Variants in RPL36A observed in about 807,000 individuals in gnomAD.
The protein encoded by RPL36A is ribosomal protein L36a, also known as large ribosomal subunit protein eL42.
For missense variants in RPL36A, 20 were observed against 81.0 expected, an observed-to-expected ratio of 0.25 and a Z score of 2.89; for synonymous variants, 25 against 28.5, an observed-to-expected ratio of 0.88 and a Z score of 0.39.
In RPL36A at chrX:101,394,796, T is replaced by A. The variant is rs782292115; in HGVS notation, c.178-539T>A. Among the ~76,000 whole-genome samples the A allele has an allele frequency of 5.6e-3, 411 of 73,068 alleles. 6 individuals are homozygous for A. The highest frequency in any genetic ancestry group is 0.037 in the African/African-American group (390 of 10,587). The allele number at this position is 73,068 out of a possible 115,157, so 63.5% of individuals were successfully genotyped here. On this transcript the variant is annotated intron_variant, in intron 3 of 4. Transcript: ENST00000553110. The stretch of plus-strand genomic sequence containing the variant: ...ATATAATATATATATATATATTTTT[T>A]TTTTTTTTTTGAGATGGAGTCTCTG...
intron 3 of RPL36A, chrX:101,392,962 A>G (rs1012068768): frequency 4.6e-5 from 5 of 108,590 alleles, no homozygotes; most frequent in African/African-American, 1.3e-4. Context: ...TAAAAATACA[A>G]AAATTAGCCG....
chrX:101,395,871 T>G lies in RPL36A; in HGVS notation c.*123T>G, dbSNP rs1928007126. On this transcript the variant is annotated 3_prime_UTR_variant, in exon 5 of 5. Transcript: ENST00000553110. ...AATACAATTCCGCTTGTGGGGAAAT[T>G]TATGCCTCTTACTGGTACTACTTGT... 2 of 635,754 alleles carry G rather than the reference T, an allele frequency of 3.1e-6. No homozygotes were observed. The highest frequency in any genetic ancestry group is 4.4e-5 in the African/African-American group (2 of 44,971). The allele number at this position is 635,754 out of a possible 1,213,427, so 52.4% of individuals were successfully genotyped here. A position where few individuals can be genotyped will look rare whatever the true frequency, so the allele number is the denominator to read the frequency against.
intron 3 of RPL36A, among the ~76,000 whole-genome samples, chrX:101,394,792 T>A (rs184070606): frequency 0.058 from 3,113 of 53,564 alleles, 58 homozygotes; most frequent in African/African-American, 0.18. Flanking sequence ...ATATATATAT[T>A]TTTTTTTTTT....
At chrX:101,392,359 T>A in intron 3 of RPL36A, 3 of 844,820 alleles carry the variant, frequency 3.6e-6, no homozygotes, top group Non-Finnish European at 4.3e-6. Flanking sequence ...ACTCTTAAAG[T>A]AATTAGCACG....
At chrX:101,393,406 T>G (rs1450020216) in intron 3 of RPL36A, 3 of 111,735 alleles carry the variant, frequency 2.7e-5, no homozygotes, top group African/African-American at 9.8e-5. Flanking sequence ...GAAAAAAGAA[T>G]GAATTAGACC....
rs1318945637 is a variant in RPL36A at position 101,395,352 on chromosome X, G to A, written c.195G>A (p.Lys65=). 1 of 1,192,607 alleles carries A rather than the reference G, an allele frequency of 8.4e-7. No individual in the cohort carries two copies. Among genetic ancestry groups the A allele is most frequent in the Non-Finnish European group, 1.1e-6 (1 of 890,085 alleles). ...IFRKKAKTTK[K]IVLRLECVEP... is the part of the protein sequence containing the mutation. ...TTTTTCAGGCTAAAACTACAAAGAA[G>A]ATTGTGCTAAGGCTTGAGTGCGTTG... The change falls in exon 4 of 5, where the codon AAG becomes AAA. Residue 65 remains lysine, a synonymous_variant. Transcript: ENST00000553110.
chrX:101,393,512 GAA>G (rs782520333), intron 3 of RPL36A: 1 of 112,279 alleles, frequency 8.9e-6, no homozygotes, highest in African/African-American at 3.2e-5. Context: ...GTACCTCAAA[GAA>G]AAAATGCAAT....
intron 3 of RPL36A, chrX:101,392,077 C>T: frequency 8.8e-7 from 1 of 1,141,771 alleles, no homozygotes; most frequent in African/African-American, 1.8e-5. Context: ...ATGTGCCCTG[C>T]TTTCCTAAGA....
intron 3 of RPL36A, chrX:101,392,156 C>T: frequency 1.9e-6 from 2 of 1,040,594 alleles, no homozygotes; most frequent in East Asian, 5.2e-5. Flanking sequence ...ATGTCTGAAT[C>T]CTCGCTTGTT....
Position 101,394,735 on chromosome X carries a change from T to C in RPL36A, c.178-600T>C, listed in dbSNP as rs782512914. ...ATATATATATTTATATATTATATAT[T>C]ATATATATTTTTATGTTTTTTATAT... On this transcript the variant is annotated intron_variant, in intron 3 of 4. Coordinates refer to ENST00000553110, the MANE Select transcript of RPL36A (RefSeq NM_021029.6). Among the ~76,000 whole-genome samples the C allele has an allele frequency of 4.0e-5, 4 of 101,257 alleles. No individual in the cohort carries two copies. In the East Asian group the frequency reaches 1.2e-3, roughly 30 times the overall value. 87.9% of individuals were successfully genotyped at this position (101,257 alleles called of 115,157 possible).
intron 1 of RPL36A, 131 bp downstream of exon 1, chrX:101,391,177 G>A: frequency 2.5e-6 from 2 of 800,048 alleles, no homozygotes; most frequent in Non-Finnish European, 3.7e-6. Flanking sequence ...ATCTTGCCGG[G>A]ATCAACCCTA....
intron 3 of RPL36A, among the ~76,000 whole-genome samples, chrX:101,394,792 T>TA (rs1569301550): frequency 1.4e-3 from 77 of 53,980 alleles, no homozygotes; most frequent in Admixed American, 0.011. Context: ...ATATATATAT[T>TA]TTTTTTTTTT....
rs782599590 is a variant in RPL36A, at chrX:101,392,599, A to C, written c.177+777A>C. ...TAGGTTTTGGCCTATTAAGAACTGC[A>C]AACTAGCAGCAGCAGAACTCTGGCT... is the stretch of plus-strand genomic sequence containing the variant. On this transcript the variant is annotated intron_variant, in intron 3 of 4. Coordinates refer to ENST00000553110, the MANE Select transcript of RPL36A (RefSeq NM_021029.6). 1.3e-5 allele frequency: 10 copies of C among 752,735 alleles called. No individual in the cohort carries two copies. The South Asian group carries it at 5.4e-4, about 41-fold the overall frequency. The allele number at this position is 752,735 out of a possible 1,213,427, so 62.0% of individuals were successfully genotyped here. A position where few individuals can be genotyped will look rare whatever the true frequency, so the allele number is the denominator to read the frequency against.
At chrX:101,394,087 T>C (rs1927928035) in intron 3 of RPL36A, among the ~76,000 whole-genome samples, 1 of 111,557 alleles carries the variant, frequency 9.0e-6, no homozygotes, top group African/African-American at 3.3e-5. Flanking sequence ...CCCAGCACTT[T>C]GGGAGGCCAA....
chrX:101,392,101 T>TC lies in RPL36A; in HGVS notation c.177+279_177+280insC, dbSNP rs1353174894. On this transcript the variant is annotated intron_variant, in intron 3 of 4. Transcript: ENST00000553110. ...GCTTTCCTAAGAACTGAAGTGTGAG[T>TC]ACACTGGTAAATCCTTTCATTTGCC... 3 of 1,124,826 alleles carry TC rather than the reference T, an allele frequency of 2.7e-6. No individual in the cohort carries two copies. The African/African-American group carries it at 5.5e-5, about 21-fold the overall frequency. The allele number at this position is 1,124,826 out of a possible 1,213,427, so 92.7% of individuals were successfully genotyped here. A position where few individuals can be genotyped will look rare whatever the true frequency, so the allele number is the denominator to read the frequency against.
intron 2 of RPL36A, 36 bp from the exon 3 acceptor site, chrX:101,391,719 C>T (rs782345921): frequency 8.3e-7 from 1 of 1,206,899 alleles, no homozygotes; most frequent in Admixed American, 2.2e-5. Flanking sequence ...TGCTGATCTT[C>T]AGTATTTTAT....
At chrX:101,395,682 T>C (rs1555984213) in intron 4 of RPL36A, 46 bp from the exon 5 acceptor site, 9 of 1,192,535 alleles carry the variant, frequency 7.5e-6, no homozygotes, top group Middle Eastern at 4.7e-4. Flanking sequence ...AATGGGGCAG[T>C]AGTTCATGGC....
chrX:101,395,877 C>T lies in RPL36A; in HGVS notation c.*129C>T. The T allele has an allele frequency of 1.7e-6, 1 of 596,258 alleles. No homozygotes were observed. The highest frequency in any genetic ancestry group is 3.1e-5 in the South Asian group (1 of 32,719). 49.1% of individuals were successfully genotyped at this position (596,258 alleles called of 1,213,427 possible). A position where few individuals can be genotyped will look rare whatever the true frequency, so the allele number is the denominator to read the frequency against. On this transcript the variant is annotated 3_prime_UTR_variant, in exon 5 of 5. Coordinates refer to ENST00000553110, the MANE Select transcript of RPL36A (RefSeq NM_021029.6). ...ATTCCGCTTGTGGGGAAATTTATGC[C>T]TCTTACTGGTACTACTTGTTTTGCA...
chrX:101,394,413 T>C (rs1235583600), intron 3 of RPL36A, among the ~76,000 whole-genome samples: 1 of 109,392 alleles, frequency 9.1e-6, no homozygotes, highest in African/African-American at 3.3e-5. Context: ...ACATAAATTC[T>C]AGACATAATT....
Sources: allele counts gnomAD v4.1 joint callset (sites outside exome capture counted in the v4.1 genomes callset), GRCh38; gene constraint gnomAD v4.1.1; transcripts MANE v1.5; gene names NCBI Gene and HGNC (gene_info 2026-07-23, HGNC 2026-07-21).